Variants in DENND11 observed in about 807,000 individuals in gnomAD.
DENND11 encodes DENN domain-containing protein 11.
Under a neutral mutation model 49.2 loss-of-function variants are expected in DENND11, and 34 were observed. The ratio of observed to expected loss-of-function variants is 0.69; its 90% confidence interval spans 0.53 to 0.92. The LOEUF (loss-of-function observed/expected upper bound fraction) is 0.92. DENND11 is among the 40% of genes least tolerant of loss of function. The probability of loss-of-function intolerance (pLI) is 0.00; values close to 1 mark genes in which losing one functional copy is unlikely to be tolerated. For missense variants in DENND11, 475 were observed against 581.6 expected (o/e 0.82, Z 1.88); for synonymous variants, 238 against 230.3 (o/e 1.03, Z -0.30).
At chr7:141,677,426 C>T (rs201482898) in intron 3 of DENND11, among the ~76,000 whole-genome samples, 170 of 86,178 alleles carry the variant, frequency 2.0e-3, no homozygotes, top group African/African-American at 4.1e-3. Context: ...TATATATACA[C>T]ATATATATGT....
Position 141,660,834 on chromosome 7 carries a change from AAC to A in DENND11, c.*1820_*1821del, listed in dbSNP as rs992363352. The A allele has an allele frequency of 2.6e-5, 4 of 152,646 alleles. No individual in the cohort carries two copies. The highest frequency in any genetic ancestry group is 6.5e-5 in the Admixed American group (1 of 15,282). 9.5% of individuals were successfully genotyped at this position (152,646 alleles called of 1,614,324 possible). A position where few individuals can be genotyped will look rare whatever the true frequency, so the allele number is the denominator to read the frequency against. On this transcript the variant is annotated 3_prime_UTR_variant, in exon 9 of 9. Coordinates refer to ENST00000536163, the MANE Select transcript of DENND11 (RefSeq NM_001080392.2). ...ATAAAAGGTGAGGCTTCAACCTCGA[AAC>A]ACAGATTTTTTTTTCTTTTGTAAAC...
chr7:141,690,571 C>G (rs73171616), intron 1 of DENND11, among the ~76,000 whole-genome samples: 1 of 152,104 alleles, frequency 6.6e-6, no homozygotes, highest in South Asian at 2.1e-4. Flanking sequence ...CCTAGTTTTT[C>G]GGTTCCTCTG....
At position 141,662,774 on chromosome 7, in the gene DENND11, G is replaced by A. The variant is rs1330528231; in HGVS notation, c.1250C>T (p.Ala417Val). The change falls in exon 9 of 9, where the codon GCA becomes GTA. Residue 417 changes from alanine (A) to valine (V), a missense_variant. By Grantham distance (64) the Ala-to-Val change is moderately conservative. Coordinates refer to ENST00000536163, the MANE Select transcript of DENND11 (RefSeq NM_001080392.2). ...TAGGCCCATGCCCCGGGCATGCTCTGCTGTCAGAGTTTTGTCTTGACTGGC... is the reference window on the plus strand; with the variant it reads ...TAGGCCCATGCCCCGGGCATGCTCTACTGTCAGAGTTTTGTCTTGACTGGC... ...VSASQDKTLTAEHARGMGLDP... is the reference protein window; with the variant it reads ...VSASQDKTLTVEHARGMGLDP... 1.9e-6 allele frequency: 3 copies of A among 1,607,656 alleles called. No individual in the cohort carries two copies. The highest frequency in any genetic ancestry group is 2.5e-6 in the Non-Finnish European group (3 of 1,177,074).
chr7:141,673,249 A>T (rs1206714552), intron 4 of DENND11, among the ~76,000 whole-genome samples: 1 of 152,206 alleles, frequency 6.6e-6, no homozygotes, highest in Non-Finnish European at 1.5e-5. Flanking sequence ...GGAATAAAAA[A>T]AAAAAAACAA....
At chr7:141,672,405 A>G (rs1358397180) in intron 4 of DENND11, among the ~76,000 whole-genome samples, 4 of 152,108 alleles carry the variant, frequency 2.6e-5, no homozygotes, top group Non-Finnish European at 5.9e-5. Flanking sequence ...CTGCTAGTAT[A>G]CTCTCTTACT....
At chr7:141,693,565 C>A (rs961349603) in intron 1 of DENND11, among the ~76,000 whole-genome samples, 6 of 152,186 alleles carry the variant, frequency 3.9e-5, no homozygotes, top group African/African-American at 1.4e-4. Flanking sequence ...GCTTTATTCA[C>A]AATGGCCCAA....
chr7:141,664,355 AG>A (rs1797852938), intron 7 of DENND11, 115 bp from the exon 8 acceptor site: 2 of 753,302 alleles, frequency 2.7e-6, no homozygotes, highest in Admixed American at 4.2e-5. Context: ...AGCACCAGCC[AG>A]GAAAGGGATC....
rs199793084 is a variant in DENND11, at chr7:141,664,177, G to A, written c.1167C>T (p.Phe389=). The A allele has an allele frequency of 8.2e-6, 13 of 1,578,666 alleles. No homozygotes were observed. The highest frequency in any genetic ancestry group is 2.3e-5 in the East Asian group (1 of 43,282). The change falls in exon 8 of 9, where the codon TTC becomes TTT. Residue 389 remains phenylalanine, a synonymous_variant. Transcript: ENST00000536163. ...TCCACGGCCCCAGGACTCACAGCAC[G>A]AAGAGGTCCTCTTCACAAGGGTTGT... ...EDYNPCEEDL[F]VLFFLEQNNR...
At chr7:141,672,818 T>C (rs180863849) in intron 4 of DENND11, among the ~76,000 whole-genome samples, 1 of 152,360 alleles carries the variant, frequency 6.6e-6, no homozygotes, top group Admixed American at 6.5e-5. Context: ...CCTATTCCTT[T>C]TTTACTCCTT....
In DENND11 at chr7:141,702,073, C is replaced by T. The variant is rs1798531214; in HGVS notation, c.81G>A (p.Pro27=). The T allele has an allele frequency of 2.0e-6, 2 of 986,922 alleles. No homozygotes were observed. The highest frequency in any genetic ancestry group is 9.1e-5 in the South Asian group (2 of 22,092). The allele number at this position is 986,922 out of a possible 1,614,324, so 61.1% of individuals were successfully genotyped here. The change falls in exon 1 of 9, where the codon CCG becomes CCA. Residue 27 remains proline, a synonymous_variant. Transcript: ENST00000536163. ...CGCCCCGGCCCCAGCCTCCCGCCTG[C>T]GGCTGCGGGGCCTGCGGCAGGGAGA... ...PAVSLPQAPQ[P]QAGGWGRGGG...
intron 1 of DENND11, among the ~76,000 whole-genome samples, chr7:141,696,677 A>C (rs1798420329): frequency 6.6e-6 from 1 of 152,216 alleles, no homozygotes; most frequent in African/African-American, 2.4e-5. Flanking sequence ...AGGAAGTCAA[A>C]ACAAATCCTG....
intron 8 of DENND11, chr7:141,663,150 A>G (rs907455952): frequency 7.0e-6 from 2 of 285,720 alleles, no homozygotes; most frequent in African/African-American, 2.2e-5. Flanking sequence ...ACAGCCTGAG[A>G]AGAGGCCCCC....
intron 3 of DENND11, among the ~76,000 whole-genome samples, chr7:141,678,259 G>A (rs535403712): frequency 3.3e-5 from 5 of 152,068 alleles, no homozygotes; most frequent in East Asian, 3.9e-4. Context: ...CACTGCGCCC[G>A]GCCAATAATC....
rs1195013010 is a variant in DENND11 at position 141,662,256 on chromosome 7, T to C, written c.*400A>G. ...GGTCTAGTTTCTGCCTTTAGGCAGATGAACATCTAAGGCCACAGGGGACAG... is the reference window on the plus strand; with the variant it reads ...GGTCTAGTTTCTGCCTTTAGGCAGACGAACATCTAAGGCCACAGGGGACAG... On this transcript the variant is annotated 3_prime_UTR_variant, in exon 9 of 9. Coordinates refer to ENST00000536163, the MANE Select transcript of DENND11 (RefSeq NM_001080392.2). The C allele has an allele frequency of 5.6e-6, 1 of 177,588 alleles. No individual in the cohort carries two copies. Among genetic ancestry groups the C allele is most frequent in the African/African-American group, 2.3e-5 (1 of 42,556 alleles). 11.0% of individuals were successfully genotyped at this position (177,588 alleles called of 1,614,324 possible).
chr7:141,684,549 T>A (rs912254856), intron 3 of DENND11, among the ~76,000 whole-genome samples: 8 of 152,190 alleles, frequency 5.3e-5, no homozygotes, highest in African/African-American at 1.9e-4. Context: ...TTTTTAAAAA[T>A]CCTCTGTACT....
chr7:141,685,024 A>AT (rs1563002106), intron 3 of DENND11, among the ~76,000 whole-genome samples: 4 of 102,570 alleles, frequency 3.9e-5, no homozygotes, highest in Non-Finnish European at 6.1e-5. Flanking sequence ...AAAAAAAAAA[A>AT]AAAAAATATA....
intron 5 of DENND11, among the ~76,000 whole-genome samples, chr7:141,666,047 C>T (rs1009578980): frequency 6.6e-6 from 1 of 150,878 alleles, no homozygotes; most frequent in Non-Finnish European, 1.5e-5. Context: ...TTAAATCCAT[C>T]TAGAATGCAT....
chr7:141,687,054 C>T (rs1563003115), intron 1 of DENND11, among the ~76,000 whole-genome samples: 1 of 152,124 alleles, frequency 6.6e-6, no homozygotes, highest in Non-Finnish European at 1.5e-5. Context: ...TATCTATAGC[C>T]ACTAATGACT....
intron 1 of DENND11, among the ~76,000 whole-genome samples, chr7:141,687,861 C>T (rs886351568): frequency 6.6e-6 from 1 of 151,996 alleles, no homozygotes; most frequent in Non-Finnish European, 1.5e-5. Context: ...GTCTCAATCT[C>T]CTGACCTTGT....
Sources: gnomAD v4.1 joint callset for allele counts (sites outside exome capture counted in the v4.1 genomes callset) on GRCh38, gnomAD v4.1.1 for gene constraint, MANE v1.5 for transcripts, NCBI Gene and HGNC (gene_info 2026-07-23, HGNC 2026-07-21) for gene names.